Variants in SYT16 observed in about 807,000 individuals in gnomAD.
SYT16 encodes synaptotagmin-16.
In SYT16, 42 loss-of-function variants were observed where a neutral mutation model predicts 61.4. The observed-to-expected ratio is 0.68, with a 90% CI of 0.53 to 0.89. The LOEUF (loss-of-function observed/expected upper bound fraction) is 0.89. Among genes scored for constraint, SYT16 ranks in the 40% least tolerant of loss-of-function variants. The probability of loss-of-function intolerance (pLI) is 0.00; values close to 1 mark genes in which losing one functional copy is unlikely to be tolerated. For missense variants in SYT16, 804 were observed against 807.3 expected, an observed-to-expected ratio of 1.00 and a Z score of 0.05; for synonymous variants, 314 against 302.3, an observed-to-expected ratio of 1.04 and a Z score of -0.40.
chr14:62,005,677 G>T (rs1286851802), intron 3 of SYT16, among the ~76,000 whole-genome samples: 1 of 152,132 alleles, frequency 6.6e-6, no homozygotes, highest in Non-Finnish European at 1.5e-5. Context: ...GTAGATATGA[G>T]GAGGAACATT....
In SYT16 at chr14:62,100,701, A is replaced by C. The variant is rs777468054; in HGVS notation, c.1932A>C (p.Glu644Asp). 6.2e-7 allele frequency: 1 copy of C among 1,612,330 alleles called. No individual in the cohort carries two copies. The highest frequency in any genetic ancestry group is 8.5e-7 in the Non-Finnish European group (1 of 1,179,048). Residue 644 changes from glutamate (E) to aspartate (D), a missense_variant, in exon 8 of 8, where the codon GAA becomes GAC. Physicochemically the swap from Glu to Asp is conservative, Grantham distance 45. Coordinates refer to ENST00000683842, the MANE Select transcript of SYT16 (RefSeq NM_001367656.1). ...QQICRWHTLL[E>D]S Reference sequence around the variant, plus strand: ...TCTGCAGATGGCACACTTTGCTGGAATCCTAGGTTTGCTAACCTGCATTTG... The same window carrying C: ...TCTGCAGATGGCACACTTTGCTGGACTCCTAGGTTTGCTAACCTGCATTTG...
chr14:61,989,290 T>C (rs1421185196), intron 2 of SYT16, among the ~76,000 whole-genome samples: 5 of 152,158 alleles, frequency 3.3e-5, no homozygotes, highest in Non-Finnish European at 7.4e-5. Flanking sequence ...ATAGCTGCTT[T>C]AAAAACATTG....
intron 2 of SYT16, among the ~76,000 whole-genome samples, chr14:61,976,805 T>G (rs1045960296): frequency 2.6e-5 from 4 of 152,186 alleles, no homozygotes; most frequent in Admixed American, 2.6e-4. Context: ...GTCTTGGTGA[T>G]TAACATTTGG....
chr14:62,039,868 C>CACACACACACACACACACACACAT, intron 3 of SYT16, among the ~76,000 whole-genome samples: 1 of 143,082 alleles, frequency 7.0e-6, no homozygotes, highest in Non-Finnish European at 1.5e-5. Flanking sequence ...CACACACACA[C>CACACACACACACACACACACACAT]ACACACACAC....
intron 1 of SYT16, among the ~76,000 whole-genome samples, chr14:61,962,345 C>G (rs1436243933): frequency 6.6e-6 from 1 of 152,004 alleles, no homozygotes; most frequent in Non-Finnish European, 1.5e-5. Flanking sequence ...ATCCCATTGT[C>G]TTCTGTCCTG....
At chr14:61,914,858 C>A (rs2049060091) in intron 1 of SYT16, among the ~76,000 whole-genome samples, 1 of 152,170 alleles carries the variant, frequency 6.6e-6, no homozygotes, top group Non-Finnish European at 1.5e-5. Context: ...GCCTTTTATG[C>A]TATAAATCAG....
At chr14:61,979,813 G>A (rs1595070930) in intron 2 of SYT16, among the ~76,000 whole-genome samples, 5 of 152,178 alleles carry the variant, frequency 3.3e-5, no homozygotes, top group Admixed American at 3.3e-4. Context: ...ACCCGGGAGG[G>A]AGAGGTTGCA....
intron 1 of SYT16, among the ~76,000 whole-genome samples, chr14:61,942,822 T>A (rs2050258516): frequency 1.3e-5 from 2 of 152,146 alleles, no homozygotes; most frequent in Non-Finnish European, 2.9e-5. Flanking sequence ...TAGTTTTCCA[T>A]CCTTAGGTTT....
chr14:62,042,746 C>T (rs1006803016), intron 3 of SYT16, among the ~76,000 whole-genome samples: 3 of 152,198 alleles, frequency 2.0e-5, no homozygotes, highest in Non-Finnish European at 4.4e-5. Context: ...AATACTGTTT[C>T]TGTGAGCTCT....
chr14:62,097,092 G>A (rs2057297177), intron 7 of SYT16, among the ~76,000 whole-genome samples: 1 of 152,060 alleles, frequency 6.6e-6, no homozygotes, highest in Non-Finnish European at 1.5e-5. Flanking sequence ...TAACTACGGG[G>A]TACCATGTTG....
chr14:61,814,697 G>T (rs75076111), intron 1 of SYT16, among the ~76,000 whole-genome samples: 2,867 of 152,282 alleles, frequency 0.019, 46 homozygotes, highest in South Asian at 0.046. Flanking sequence ...TTCTTTCTTA[G>T]CTGAGATGGA....
chr14:61,975,090 C>T (rs1019850086), intron 2 of SYT16, among the ~76,000 whole-genome samples: 22 of 152,336 alleles, frequency 1.4e-4, no homozygotes, highest in African/African-American at 5.1e-4. Context: ...TTCAAGTACA[C>T]GTGCCCCTGC....
chr14:61,922,480 A>T (rs2049369978), intron 1 of SYT16, among the ~76,000 whole-genome samples: 2 of 152,204 alleles, frequency 1.3e-5, no homozygotes. Context: ...GAGCTAAATA[A>T]TGAGAACTCA....
intron 3 of SYT16, among the ~76,000 whole-genome samples, chr14:62,009,942 T>A (rs188584136): frequency 1.8e-4 from 27 of 152,344 alleles, no homozygotes; most frequent in African/African-American, 5.5e-4. Context: ...GGGTGCTAGC[T>A]GCTTCATGCA....
At chr14:61,981,301 G>A (rs759308985) in intron 2 of SYT16, among the ~76,000 whole-genome samples, 1 of 152,030 alleles carries the variant, frequency 6.6e-6, no homozygotes, top group African/African-American at 2.4e-5. Context: ...CCAAATATCT[G>A]GGCACCATGG....
intron 1 of SYT16, among the ~76,000 whole-genome samples, chr14:61,962,097 C>G (rs2051138093): frequency 6.6e-6 from 1 of 152,036 alleles, no homozygotes; most frequent in Admixed American, 6.6e-5. Flanking sequence ...AAGGGAACAA[C>G]AGACACCAGG....
intron 1 of SYT16, among the ~76,000 whole-genome samples, chr14:61,878,330 G>A (rs72716794): frequency 0.015 from 2,314 of 152,272 alleles, 23 homozygotes; most frequent in Non-Finnish European, 0.023. Context: ...TTATGTAAAC[G>A]TCCATTTGTG....
intron 3 of SYT16, among the ~76,000 whole-genome samples, chr14:62,011,518 A>G (rs2053448738): frequency 6.6e-6 from 1 of 152,190 alleles, no homozygotes; most frequent in Non-Finnish European, 1.5e-5. Flanking sequence ...GGGAAATGTG[A>G]TGTTCTGATT....
intron 1 of SYT16, among the ~76,000 whole-genome samples, chr14:61,958,452 G>A (rs559110442): frequency 6.6e-6 from 1 of 151,854 alleles, no homozygotes; most frequent in East Asian, 1.9e-4. Context: ...AGTCACATAT[G>A]ATTTCGTATG....
Sources: gnomAD v4.1 joint callset for allele counts (sites outside exome capture counted in the v4.1 genomes callset) on GRCh38, gnomAD v4.1.1 for gene constraint, MANE v1.5 for transcripts, NCBI Gene and HGNC (gene_info 2026-07-23, HGNC 2026-07-21) for gene names.